MSH6: variants seen among roughly 807,000 people sequenced by gnomAD.
MSH6 encodes DNA mismatch repair protein Msh6.
A neutral mutation model predicts 119.1 loss-of-function variants in MSH6; 85 were observed. The observed-to-expected ratio is 0.71, with a 90% CI of 0.60 to 0.85. The LOEUF is 0.85. Among genes scored for constraint, MSH6 ranks in the 40% least tolerant of loss-of-function variants. The pLI is 0.00. For missense variants in MSH6, 2,163 were observed against 1,655.3 expected (o/e 1.31, Z -5.32); for synonymous variants, 830 against 586.9 (o/e 1.41, Z -5.99).
chr2:47,791,234 C>T (rs1359353084), intron 2 of MSH6, 111 bp downstream of exon 2: 1 of 1,067,140 alleles, frequency 9.4e-7, no homozygotes, highest in Non-Finnish European at 1.4e-6. Flanking sequence ...GTGTATTTTA[C>T]CCCAGTAAAT....
rs1670056970 is a variant in MSH6, at chr2:47,806,301, C to G, written c.3744C>G (p.His1248Gln). 2 of 1,613,946 alleles carry G rather than the reference C, an allele frequency of 1.2e-6. No homozygotes were observed. Among genetic ancestry groups the G allele is most frequent in the Non-Finnish European group, 1.7e-6 (2 of 1,179,934 alleles). ...TIKCRTLFSTHYHSLVEDYSQ... is the reference protein window; with the variant it reads ...TIKCRTLFSTQYHSLVEDYSQ... ...AATGTCGTACATTATTTTCAACTCACTACCATTCATTAGTAGAAGATTATT... is the reference window on the plus strand; with the variant it reads ...AATGTCGTACATTATTTTCAACTCAGTACCATTCATTAGTAGAAGATTATT... Residue 1248 changes from histidine to glutamine, a missense_variant, in exon 8 of 10, where the codon CAC becomes CAG. Physicochemically the swap from His to Gln is conservative, Grantham distance 24. Transcript: ENST00000234420.
At chr2:47,809,273 TAAAA>T (rs368651175), downstream of MSH6, 94 of 1,497,224 alleles carry the variant, frequency 6.3e-5, no homozygotes, top group South Asian at 2.4e-4. Context: ...TTATCTGTAA[TAAAA>T]GAAAGAATAA....
At chr2:47,792,854 T>G (rs1242545850) in intron 2 of MSH6, among the ~76,000 whole-genome samples, 7 of 143,242 alleles carry the variant, frequency 4.9e-5, no homozygotes, top group Non-Finnish European at 8.9e-5. Context: ...TAGTTTTTTT[T>G]TTTTTTTTTT....
At position 47,783,347 on chromosome 2, in the gene MSH6, C is replaced by T. The variant is rs786201700; in HGVS notation, c.114C>T (p.Pro38=). 2 of 1,609,276 alleles carry T rather than the reference C, an allele frequency of 1.2e-6. No homozygotes were observed. The highest frequency in any genetic ancestry group is 1.7e-5 in the Admixed American group (1 of 59,652). The change falls in exon 1 of 10, where the codon CCC becomes CCT. Residue 38 remains proline, a synonymous_variant. Coordinates refer to ENST00000234420, the MANE Select transcript of MSH6 (RefSeq NM_000179.3). ...SREGGRAAAA[P]GASPSPGGDA... ...AAGGCGGCCGTGCCGCCGCTGCCCC[C>T]GGGGCCTCTCCTTCCCCAGGCGGGG...
Position 47,801,061 on chromosome 2 carries a change from T to C in MSH6, c.3078T>C (p.Asp1026=). ...ANLINAEERR[D]VSLKDCMRRL... Reference sequence around the variant, plus strand: ...TCATAAATGCTGAAGAACGGAGGGATGTATCATTGAAGGACTGCATGCGGC... The same window carrying C: ...TCATAAATGCTGAAGAACGGAGGGACGTATCATTGAAGGACTGCATGCGGC... Residue 1026 remains aspartate (D), a synonymous_variant, in exon 4 of 10, where the codon GAT becomes GAC. Transcript: ENST00000234420. 6.2e-7 allele frequency: 1 copy of C among 1,606,134 alleles called. No individual in the cohort carries two copies. Among genetic ancestry groups the C allele is most frequent in the Non-Finnish European group, 8.5e-7 (1 of 1,176,084 alleles).
At chr2:47,788,348 AGGTTCAAATGAT>A (rs1176694438) in intron 1 of MSH6, among the ~76,000 whole-genome samples, 4 of 134,976 alleles carry the variant, frequency 3.0e-5, no homozygotes, top group Non-Finnish European at 6.1e-5. Flanking sequence ...TCTGCCTTCC[AGGTTCAAATGAT>A]TCTCCTGCTT....
Position 47,806,775 on chromosome 2 carries a change from T to C in MSH6, c.4002-4T>C, listed in dbSNP as rs370428032. The C allele has an allele frequency of 2.0e-5, 32 of 1,597,904 alleles. No homozygotes were observed. The highest frequency in any genetic ancestry group is 1.8e-4 in the South Asian group (16 of 88,598). ...ACTTTTTTTTTTTTTTTTTTAATTTTAAGGGAAGTTTGCCTGGCTAGTGAA... is the reference window on the plus strand; with the variant it reads ...ACTTTTTTTTTTTTTTTTTTAATTTCAAGGGAAGTTTGCCTGGCTAGTGAA... On this transcript the variant is annotated splice_region_variant and splice_polypyrimidine_tract_variant and intron_variant, in intron 9 of 9. Coordinates refer to ENST00000234420, the MANE Select transcript of MSH6 (RefSeq NM_000179.3).
downstream of MSH6, chr2:47,809,295 T>C (rs1201863389): frequency 1.5e-6 from 2 of 1,368,776 alleles, no homozygotes; most frequent in Admixed American, 2.0e-5. Flanking sequence ...TAAGTAAAAA[T>C]TCAGAGGAAT....
intron 1 of MSH6, among the ~76,000 whole-genome samples, chr2:47,785,383 C>A (rs987056339): frequency 6.8e-6 from 1 of 146,500 alleles, no homozygotes. Context: ...GTGCCCACCG[C>A]GGTCCGGCTG....
Position 47,786,949 on chromosome 2 carries a change from C to T in MSH6, c.260+3456C>T, listed in dbSNP as rs184783201. On this transcript the variant is annotated intron_variant, in intron 1 of 9. Transcript: ENST00000234420. The stretch of plus-strand genomic sequence containing the variant: ...CCACACCCAGCCTTATGGCATCTTT[C>T]GATGAACAAATTATTGATTATAATG... 8.5e-5 allele frequency among the ~76,000 whole-genome samples: 13 copies of T among 152,058 alleles called. No homozygotes were observed. The East Asian group carries it at 9.7e-4, about 11-fold the overall frequency.
rs1450746584 is a variant in MSH6 at position 47,798,739 on chromosome 2, A to G, written c.756A>G (p.Ser252=). 6.2e-7 allele frequency: 1 copy of G among 1,614,216 alleles called. No individual in the cohort carries two copies. ...SRQIKKRRVI[S]DSESDIGGSD... is the part of the protein sequence containing the mutation. ...AAATAAAAAAACGAAGGGTCATATC[A>G]GATTCTGAGAGTGACATTGGTGGCT... The change falls in exon 4 of 10, where the codon TCA becomes TCG. Residue 252 remains serine (S), a synonymous_variant. Coordinates refer to ENST00000234420, the MANE Select transcript of MSH6 (RefSeq NM_000179.3).
At chr2:47,809,536 C>T (rs538926287), downstream of MSH6, 101 of 1,184,492 alleles carry the variant, frequency 8.5e-5, 2 homozygotes, top group South Asian at 1.1e-3. Flanking sequence ...AGTTATAAAA[C>T]GGCTTCTGAT....
At position 47,803,501 on chromosome 2, in the gene MSH6, C is replaced by G. The variant is rs761724581; in HGVS notation, c.3254C>G (p.Thr1085Ser). The G allele has an allele frequency of 1.9e-6, 3 of 1,605,132 alleles. No homozygotes were observed. In the South Asian group the frequency reaches 3.3e-5, roughly 18 times the overall value. ...CCAGTAATTCTGTTGCCGGAAGATA[C>G]CCCCCCCTTCTTAGAGCTTAAAGGA... ...CRPVILLPED[T>S]PPFLELKGSR... The change falls in exon 5 of 10, where the codon ACC (threonine) becomes AGC (serine). Residue 1085 changes from threonine to serine, a missense_variant. Transcript: ENST00000234420.
At chr2:47,794,686 G>A (rs367792463) in intron 2 of MSH6, among the ~76,000 whole-genome samples, 44 of 152,140 alleles carry the variant, frequency 2.9e-4, no homozygotes, top group African/African-American at 1.0e-3. Context: ...CACATTGGTT[G>A]GTTATTCTTT....
chr2:47,791,857 T>A lies in MSH6; in HGVS notation c.457+734T>A, dbSNP rs118046692. 6.8e-4 allele frequency among the ~76,000 whole-genome samples: 103 copies of A among 151,876 alleles called. 2 individuals carry two copies. The highest frequency in any genetic ancestry group is 6.8e-3 in the Middle Eastern group (2 of 294). On this transcript the variant is annotated intron_variant, in intron 2 of 9. Coordinates refer to ENST00000234420, the MANE Select transcript of MSH6 (RefSeq NM_000179.3). ...GTTGCCTGGCTATATATATATATTT[T>A]TTTTTTGAGACGGAGTTTTGCTCTT...
In MSH6 at chr2:47,793,530, C is replaced by G. The variant is rs550332492; in HGVS notation, c.458-2364C>G. ...AGCTGAGGCAGAGAATTGCTTAAAC[C>G]TGGTAGGCGGAGGTTGCAGTGAGCC... On this transcript the variant is annotated intron_variant, in intron 2 of 9. Coordinates refer to ENST00000234420, the MANE Select transcript of MSH6 (RefSeq NM_000179.3). 4.0e-5 allele frequency among the ~76,000 whole-genome samples: 6 copies of G among 151,292 alleles called. No homozygotes were observed. In the South Asian group the frequency reaches 1.0e-3, roughly 26 times the overall value.
At chr2:47,795,856 A>G (rs1350720294) in intron 2 of MSH6, 38 bp from the exon 3 acceptor site, 17 of 1,592,712 alleles carry the variant, frequency 1.1e-5, no homozygotes, top group African/African-American at 1.3e-5. Context: ...GAGCCTCTGC[A>G]CCCGGCCCTT....
Position 47,800,550 on chromosome 2 carries a change from T to C in MSH6, c.2567T>C (p.Ile856Thr), listed in dbSNP as rs1064794084. 3 of 1,613,770 alleles carry C rather than the reference T, an allele frequency of 1.9e-6. No individual in the cohort carries two copies. The highest frequency in any genetic ancestry group is 1.3e-5 in the African/African-American group (1 of 74,982). The change falls in exon 4 of 10, where the codon ATT becomes ACT. Residue 856 changes from isoleucine (I) to threonine (T), a missense_variant. Physicochemically the swap from Ile to Thr is moderately conservative, Grantham distance 89 (BLOSUM62 -1). Coordinates refer to ENST00000234420, the MANE Select transcript of MSH6 (RefSeq NM_000179.3). ...EETTYSKKKI[I>T]DFLSALEGFK... The stretch of plus-strand genomic sequence containing the variant: ...ACTACATACAGCAAGAAGAAGATTA[T>C]TGATTTTCTTTCTGCTCTGGAAGGA...
At chr2:47,783,921 G>GGGGGGGGGGGGGGGGGGGGGGGGGC in intron 1 of MSH6, 2 of 830,516 alleles carry the variant, frequency 2.4e-6, no homozygotes, top group East Asian at 1.1e-4. Context: ...GGGGTGGCGG[G>GGGGGGGGGGGGGGGGGGGGGGGGGC]AAGGAGGAAT....
Sources: allele counts gnomAD v4.1 joint callset (sites outside exome capture counted in the v4.1 genomes callset), GRCh38; gene constraint gnomAD v4.1.1; transcripts MANE v1.5; gene names NCBI Gene and HGNC (gene_info 2026-07-23, HGNC 2026-07-21).